Variants in ATP11B observed in about 807,000 individuals in gnomAD.
ATP11B encodes phospholipid-transporting ATPase IF.
ATP11B carries 81 observed loss-of-function variants against 157.8 expected under a neutral mutation model. The observed-to-expected ratio is 0.51, with a 90% CI of 0.43 to 0.62. ATP11B has a LOEUF of 0.62. ATP11B is among the 20% of genes least tolerant of loss of function. ATP11B has a pLI of 0.00. For missense variants in ATP11B, 1,165 were observed against 1,402.2 expected, an observed-to-expected ratio of 0.83 and a Z score of 2.70; for synonymous variants, 451 against 469.4, an observed-to-expected ratio of 0.96 and a Z score of 0.51.
At position 182,887,728 on chromosome 3, in the gene ATP11B, G is replaced by T; in HGVS notation, c.2843+15G>T. On this transcript the variant is annotated intron_variant, in intron 24 of 29. Transcript: ENST00000323116. The stretch of plus-strand genomic sequence containing the variant: ...ACCCTTTATCGGTAAGTATTTTCTG[G>T]TATTAAATGGCCTTATCAGTTTTTT... The T allele has an allele frequency of 3.1e-6, 5 of 1,602,766 alleles. No individual in the cohort carries two copies. Among genetic ancestry groups the T allele is most frequent in the Non-Finnish European group, 4.2e-6 (5 of 1,177,268 alleles).
chr3:182,918,110 C>T lies in ATP11B; in HGVS notation c.*6C>T. The T allele has an allele frequency of 6.2e-7, 1 of 1,612,526 alleles. No individual in the cohort carries two copies. The highest frequency in any genetic ancestry group is 8.5e-7 in the Non-Finnish European group (1 of 1,179,118). ...TGGACTCATCTACTTGTTAAAGGGG[C>T]AGTAGTACTTTGTGGGAGCCAGTTC... On this transcript the variant is annotated 3_prime_UTR_variant, in exon 30 of 30. Coordinates refer to ENST00000323116, the MANE Select transcript of ATP11B (RefSeq NM_014616.3).
intron 28 of ATP11B, among the ~76,000 whole-genome samples, chr3:182,899,086 A>G (rs73054657): frequency 0.017 from 2,570 of 151,890 alleles, 81 homozygotes; most frequent in African/African-American, 0.058. Context: ...ATATCACAGC[A>G]TTCTATCATA....
At chr3:182,894,904 G>A (rs1723426714) in intron 25 of ATP11B, among the ~76,000 whole-genome samples, 1 of 151,440 alleles carries the variant, frequency 6.6e-6, no homozygotes, top group African/African-American at 2.4e-5. Flanking sequence ...GATCACTTGA[G>A]CCCAGGAGTT....
chr3:182,815,621 A>G (rs1029325270), intron 1 of ATP11B, among the ~76,000 whole-genome samples: 5 of 152,032 alleles, frequency 3.3e-5, no homozygotes, highest in Admixed American at 1.3e-4. Flanking sequence ...TTGACCCTGA[A>G]GCTGCTTTTT....
intron 1 of ATP11B, 27 bp from the exon 2 acceptor site, chr3:182,820,229 ATTTC>A (rs765991771): frequency 1.4e-6 from 2 of 1,418,920 alleles, no homozygotes; most frequent in South Asian, 2.3e-5. Context: ...GTTGACTAGT[ATTTC>A]TTTTTCTCTT....
rs1365846256 is a variant in ATP11B, at chr3:182,808,511, GA to G, written c.28-11746del. Among the ~76,000 whole-genome samples the G allele has an allele frequency of 2.0e-5, 3 of 152,004 alleles. No homozygotes were observed. In the East Asian group the frequency reaches 5.8e-4, roughly 29 times the overall value. The stretch of plus-strand genomic sequence containing the variant: ...GAAGTATCTTAGGAATGTATTATGA[GA>G]AAGGGAAAGTCAAAATTTGTAAAGA... On this transcript the variant is annotated intron_variant, in intron 1 of 29. Transcript: ENST00000323116.
chr3:182,870,654 A>G (rs1434280673), intron 17 of ATP11B, among the ~76,000 whole-genome samples: 3 of 152,212 alleles, frequency 2.0e-5, no homozygotes, highest in Admixed American at 1.3e-4. Context: ...GTCATTTATA[A>G]GTCAGGGAAT....
intron 18 of ATP11B, 117 bp from the exon 19 acceptor site, chr3:182,873,695 A>G (rs1255121780): frequency 1.2e-6 from 1 of 821,788 alleles, no homozygotes; most frequent in East Asian, 2.7e-5. Context: ...ATTGTATAAT[A>G]ACATTCCTAG....
chr3:182,916,265 T>G (rs1725135441), intron 29 of ATP11B: 1 of 985,212 alleles, frequency 1.0e-6, no homozygotes, highest in Non-Finnish European at 1.2e-6. Context: ...CATGTCTAAT[T>G]TAAGAGGTGG....
chr3:182,916,343 G>T (rs1725139811), intron 29 of ATP11B: 1 of 985,200 alleles, frequency 1.0e-6, no homozygotes, highest in Non-Finnish European at 1.2e-6. Flanking sequence ...ACATAGTAAA[G>T]TCAAGAGTAA....
At chr3:182,859,844 A>G (rs921801782) in intron 12 of ATP11B, among the ~76,000 whole-genome samples, 11 of 151,580 alleles carry the variant, frequency 7.3e-5, no homozygotes, top group Admixed American at 4.6e-4. Context: ...CATTTCCTCA[A>G]TTTCCATGTG....
intron 7 of ATP11B, among the ~76,000 whole-genome samples, chr3:182,841,836 AG>A (rs1488045541): frequency 1.3e-5 from 2 of 151,030 alleles, no homozygotes; most frequent in Non-Finnish European, 2.9e-5. Flanking sequence ...AAAATTAGCC[AG>A]GTGTGGTGGC....
intron 25 of ATP11B, among the ~76,000 whole-genome samples, chr3:182,890,482 G>T (rs577821046): frequency 3.3e-5 from 5 of 152,162 alleles, no homozygotes; most frequent in African/African-American, 1.2e-4. Flanking sequence ...TCTTGAAAAG[G>T]ATACAGAAAA....
chr3:182,910,008 G>T (rs1724657808), intron 28 of ATP11B, among the ~76,000 whole-genome samples: 1 of 131,106 alleles, frequency 7.6e-6, no homozygotes, highest in Admixed American at 9.1e-5. Context: ...AGGTTGCAGT[G>T]AACCAAGATC....
At chr3:182,827,996 C>CAT (rs1717841374) in intron 2 of ATP11B, 124 bp from the exon 3 acceptor site, 1 of 391,640 alleles carries the variant, frequency 2.6e-6, no homozygotes, top group African/African-American at 2.1e-5. Flanking sequence ...GTTTCTGTAG[C>CAT]ATATAGACTT....
intron 1 of ATP11B, among the ~76,000 whole-genome samples, chr3:182,812,267 G>A (rs906109511): frequency 6.6e-6 from 1 of 152,172 alleles, no homozygotes; most frequent in African/African-American, 2.4e-5. Context: ...TACCAAGGAG[G>A]ATTTAGAAAG....
At chr3:182,847,468 CTGT>C (rs539605727) in intron 9 of ATP11B, among the ~76,000 whole-genome samples, 52 of 152,316 alleles carry the variant, frequency 3.4e-4, no homozygotes, top group Middle Eastern at 3.4e-3. Context: ...GGTCTGTCTT[CTGT>C]TGTTTTGCCT....
intron 1 of ATP11B, among the ~76,000 whole-genome samples, chr3:182,800,325 G>A (rs943134021): frequency 6.6e-6 from 1 of 151,112 alleles, no homozygotes; most frequent in Non-Finnish European, 1.5e-5. Flanking sequence ...GGGCTCAAAT[G>A]ATCCTCCTGC....
At chr3:182,864,861 C>T (rs62294821) in intron 12 of ATP11B, among the ~76,000 whole-genome samples, 8,467 of 152,128 alleles carry the variant, frequency 0.056, 336 homozygotes, top group Non-Finnish European at 0.075. Context: ...GAATTAGTCT[C>T]CAAAAGTAAT....
Sources: gnomAD v4.1 joint callset for allele counts (sites outside exome capture counted in the v4.1 genomes callset) on GRCh38, gnomAD v4.1.1 for gene constraint, MANE v1.5 for transcripts, NCBI Gene and HGNC (gene_info 2026-07-23, HGNC 2026-07-21) for gene names.